UBE2E2: variants seen among roughly 807,000 people sequenced by gnomAD.
UBE2E2 encodes the protein ubiquitin-conjugating enzyme E2 E2.
A neutral mutation model predicts 24.7 loss-of-function variants in UBE2E2; 6 were observed. The observed-to-expected ratio is 0.24, with a 90% CI of 0.13 to 0.48. The LOEUF (loss-of-function observed/expected upper bound fraction) is 0.48. Among genes scored for constraint, UBE2E2 ranks in the 20% least tolerant of loss-of-function variants. The pLI is 0.99. For synonymous variants in UBE2E2, 104 were observed against 83.6 expected, an observed-to-expected ratio of 1.24 and a Z score of -1.33; for missense variants, 169 against 245.0, an observed-to-expected ratio of 0.69 and a Z score of 2.07.
chr3:23,298,333 G>T (rs1418039090), intron 3 of UBE2E2, among the ~76,000 whole-genome samples: 1 of 151,792 alleles, frequency 6.6e-6, no homozygotes, highest in East Asian at 1.9e-4. Context: ...TGTTGAATAG[G>T]AGTGGTGAGA....
Position 23,414,646 on chromosome 3 carries a change from A to G in UBE2E2, c.228-84962A>G, listed in dbSNP as rs114919984. ...TGCTAATTTGGAGGAGGATGCTATG[A>G]TATGTGTCTCCTCAAAATTCTTATG... On this transcript the variant is annotated intron_variant, in intron 3 of 5. Coordinates refer to ENST00000396703, the MANE Select transcript of UBE2E2 (RefSeq NM_152653.4). Among the ~76,000 whole-genome samples the G allele has an allele frequency of 1.6e-3, 238 of 152,292 alleles. 1 individual carries two copies. Among genetic ancestry groups the G allele is most frequent in the African/African-American group, 5.5e-3 (229 of 41,570 alleles).
intron 2 of UBE2E2, among the ~76,000 whole-genome samples, chr3:23,216,254 A>G (rs753693794): frequency 6.6e-6 from 1 of 152,158 alleles, no homozygotes; most frequent in Non-Finnish European, 1.5e-5. Flanking sequence ...TCCTTCGGGA[A>G]GTTGATACCA....
intron 3 of UBE2E2, among the ~76,000 whole-genome samples, chr3:23,352,305 A>T (rs1695778433): frequency 6.6e-6 from 1 of 152,154 alleles, no homozygotes; most frequent in South Asian, 2.1e-4. Context: ...TTGACACCCT[A>T]ACATCACAAT....
intron 5 of UBE2E2, among the ~76,000 whole-genome samples, chr3:23,560,702 A>G (rs1695906734): frequency 6.6e-6 from 1 of 151,926 alleles, no homozygotes; most frequent in Non-Finnish European, 1.5e-5. Flanking sequence ...AAGCATTCCT[A>G]TTTCTTCACA....
intron 3 of UBE2E2, among the ~76,000 whole-genome samples, chr3:23,321,268 G>T (rs1694730216): frequency 1.3e-5 from 2 of 152,164 alleles, no homozygotes; most frequent in Admixed American, 1.3e-4. Flanking sequence ...ACTTTTTTGG[G>T]AGGGGCTGGC....
At chr3:23,501,948 T>C (rs1191422590) in intron 4 of UBE2E2, among the ~76,000 whole-genome samples, 2 of 152,102 alleles carry the variant, frequency 1.3e-5, no homozygotes, top group African/African-American at 4.8e-5. Context: ...ATAACCACAA[T>C]TCAAATGCAC....
At chr3:23,262,309 CGTG>C (rs895058238) in intron 3 of UBE2E2, among the ~76,000 whole-genome samples, 4 of 152,064 alleles carry the variant, frequency 2.6e-5, no homozygotes, top group Non-Finnish European at 4.4e-5. Flanking sequence ...GAAACAGAGT[CGTG>C]GTCTTTTTTT....
intron 3 of UBE2E2, among the ~76,000 whole-genome samples, chr3:23,459,952 A>G (rs748089041): frequency 2.6e-5 from 4 of 152,152 alleles, no homozygotes; most frequent in African/African-American, 4.8e-5. Context: ...AACTAAAAGT[A>G]TTTTTCCCCA....
At chr3:23,327,880 A>G (rs1024085872) in intron 3 of UBE2E2, among the ~76,000 whole-genome samples, 2 of 152,194 alleles carry the variant, frequency 1.3e-5, no homozygotes, top group African/African-American at 2.4e-5. Flanking sequence ...ATGAAATGTC[A>G]TTCTAGATTT....
chr3:23,462,452 G>A (rs1380054393), intron 3 of UBE2E2, among the ~76,000 whole-genome samples: 4 of 152,128 alleles, frequency 2.6e-5, no homozygotes, highest in Admixed American at 6.5e-5. Flanking sequence ...GTCTTCACAG[G>A]TGTATGATAA....
intron 3 of UBE2E2, among the ~76,000 whole-genome samples, chr3:23,275,694 AAACTT>A (rs1698360547): frequency 1.3e-5 from 2 of 152,192 alleles, no homozygotes; most frequent in South Asian, 4.1e-4. Context: ...AAAAGAAACA[AAACTT>A]AAAAAGAAAT....
At chr3:23,293,099 C>G (rs939366995) in intron 3 of UBE2E2, among the ~76,000 whole-genome samples, 1 of 152,146 alleles carries the variant, frequency 6.6e-6, no homozygotes, top group African/African-American at 2.4e-5. Flanking sequence ...ATTATGTATC[C>G]TTTTTGTGGT....
rs372193796 is a variant in UBE2E2, at chr3:23,381,895, A to G, written c.228-117713A>G. ...GCTTTGCCCCGGAGAGTGGAGAAGG[A>G]TGTAGACTGAGAAGGTGGGAGGCGG... On this transcript the variant is annotated intron_variant, in intron 3 of 5. Coordinates refer to ENST00000396703, the MANE Select transcript of UBE2E2 (RefSeq NM_152653.4). 1.1e-4 allele frequency among the ~76,000 whole-genome samples: 17 copies of G among 152,266 alleles called. No homozygotes were observed. In the East Asian group the frequency reaches 2.3e-3, roughly 21 times the overall value.
chr3:23,241,763 T>C (rs1697265761), intron 3 of UBE2E2, among the ~76,000 whole-genome samples: 1 of 151,968 alleles, frequency 6.6e-6, no homozygotes, highest in South Asian at 2.1e-4. Flanking sequence ...TGAAAGACAC[T>C]TACAGTTTGA....
At chr3:23,503,408 G>C (rs7617725) in intron 4 of UBE2E2, among the ~76,000 whole-genome samples, 102,090 of 151,350 alleles carry the variant, frequency 0.67, 36,384 homozygotes, top group African/African-American at 0.92. Flanking sequence ...CCAGGCTGGT[G>C]TTGAACTCCT....
At chr3:23,321,615 T>C (rs1346817720) in intron 3 of UBE2E2, among the ~76,000 whole-genome samples, 1 of 149,460 alleles carries the variant, frequency 6.7e-6, no homozygotes, top group Non-Finnish European at 1.5e-5. Flanking sequence ...AGAATAGCTC[T>C]TCCATAACAC....
intron 5 of UBE2E2, among the ~76,000 whole-genome samples, chr3:23,578,280 A>C (rs1261029478): frequency 6.6e-6 from 1 of 152,204 alleles, no homozygotes. Context: ...GTCAAAAAAC[A>C]ACAAATGCTG....
chr3:23,302,450 C>G (rs1434528408), intron 3 of UBE2E2, among the ~76,000 whole-genome samples: 1 of 152,276 alleles, frequency 6.6e-6, no homozygotes, highest in South Asian at 2.1e-4. Flanking sequence ...GGCAAAAACA[C>G]CGCACATTCT....
chr3:23,474,127 C>G lies in UBE2E2; in HGVS notation c.228-25481C>G, dbSNP rs1699080370. Among the ~76,000 whole-genome samples, 2 of 151,942 alleles carry G rather than the reference C, an allele frequency of 1.3e-5. No individual in the cohort carries two copies. Among genetic ancestry groups the G allele is most frequent in the African/African-American group, 4.8e-5 (2 of 41,276 alleles). On this transcript the variant is annotated intron_variant, in intron 3 of 5. Transcript: ENST00000396703. This position sits in a 1 kb window ranked among gnomAD's most constrained non-coding sequence, Gnocchi z 4.0. ...CGCATTGTGGTTTTGATTTGCATTT[C>G]CCTGATCATTAGTGATGTTGAGCAT... is the stretch of plus-strand genomic sequence containing the variant.
Sources: gnomAD v4.1 joint callset for allele counts (sites outside exome capture counted in the v4.1 genomes callset) on GRCh38, gnomAD v4.1.1 for gene constraint, Gnocchi (gnomAD v3.1) non-coding constraint, MANE v1.5 for transcripts, NCBI Gene and HGNC (gene_info 2026-07-23, HGNC 2026-07-21) for gene names.